The following MARK3 variants were observed in gnomAD, a reference collection of about 807,000 sequenced individuals.
The protein encoded by MARK3 is microtubule affinity regulating kinase 3, also known as MAP/microtubule affinity-regulating kinase 3.
A neutral mutation model predicts 90.1 loss-of-function variants in MARK3; 46 were observed. The ratio of observed to expected loss-of-function variants is 0.51; its 90% CI spans 0.40 to 0.65. The LOEUF is 0.65. Among genes scored for constraint, MARK3 ranks in the 30% least tolerant of loss-of-function variants. The pLI, the probability that MARK3 is intolerant of heterozygous loss-of-function variation, is 0.00. For missense variants in MARK3, 818 were observed against 947.2 expected, an observed-to-expected ratio of 0.86 and a Z score of 1.79; for synonymous variants, 321 against 332.6, an observed-to-expected ratio of 0.97 and a Z score of 0.38.
At position 103,467,192 on chromosome 14, in the gene MARK3, G is replaced by GA; in HGVS notation, c.1110+1_1110+2insA. 1 of 1,485,972 alleles carries GA rather than the reference G, an allele frequency of 6.7e-7. No homozygotes were observed. The highest frequency in any genetic ancestry group is 2.3e-5 in the East Asian group (1 of 44,020). The allele number at this position is 1,485,972 out of a possible 1,614,324, so 92.0% of individuals were successfully genotyped here. On this transcript the variant is annotated splice_donor_variant, in intron 11 of 17. Transcript: ENST00000429436. LOFTEE classifies it high-confidence loss of function. The stretch of plus-strand genomic sequence containing the variant: ...GTTATTGGGGAGAAAATCTTCAGAG[G>GA]TAAGAGTAATCAGAAAGAGCTGAAA...
At chr14:103,481,367 T>G (rs1038014115) in intron 14 of MARK3, among the ~76,000 whole-genome samples, 1 of 152,226 alleles carries the variant, frequency 6.6e-6, no homozygotes, top group African/African-American at 2.4e-5. Context: ...GACATTTACT[T>G]TCTGCAGTTA....
chr14:103,399,481 G>T (rs11844177), intron 1 of MARK3, among the ~76,000 whole-genome samples: 3 of 151,960 alleles, frequency 2.0e-5, no homozygotes, highest in African/African-American at 7.3e-5. Flanking sequence ...AGGCCAAGGC[G>T]GGTGGATCAC....
At chr14:103,437,748 C>T (rs1005577896) in intron 3 of MARK3, among the ~76,000 whole-genome samples, 1 of 152,168 alleles carries the variant, frequency 6.6e-6, no homozygotes, top group African/African-American at 2.4e-5. Context: ...AGAATTATAA[C>T]AGTAACATCA....
At chr14:103,450,859 C>G (rs930117283) in intron 4 of MARK3, among the ~76,000 whole-genome samples, 2 of 140,922 alleles carry the variant, frequency 1.4e-5, no homozygotes, top group Middle Eastern at 4.1e-3. Flanking sequence ...GGGATTTACT[C>G]CAGTTTCATT....
At chr14:103,455,583 C>G (rs1314410215) in intron 5 of MARK3, among the ~76,000 whole-genome samples, 1 of 151,960 alleles carries the variant, frequency 6.6e-6, no homozygotes. Flanking sequence ...CAAAAATTAG[C>G]CGGGTGTGGT....
chr14:103,452,717 C>T (rs1291035929), intron 5 of MARK3, among the ~76,000 whole-genome samples: 2 of 151,948 alleles, frequency 1.3e-5, no homozygotes, highest in South Asian at 2.1e-4. Flanking sequence ...GTGATCCGCC[C>T]GCCTCGGCCT....
At position 103,466,337 on chromosome 14, in the gene MARK3, T is replaced by C. The variant is rs1433827135; in HGVS notation, c.898-6T>C. The stretch of plus-strand genomic sequence containing the variant: ...ACTCTGCTAATGAACAGTTTACCTT[T>C]TTTAGCAAATCATGAAGGACAGGTG... On this transcript the variant is annotated splice_region_variant and splice_polypyrimidine_tract_variant and intron_variant, in intron 9 of 17. Transcript: ENST00000429436. 6 of 1,599,920 alleles carry C rather than the reference T, an allele frequency of 3.8e-6. No individual in the cohort carries two copies. The highest frequency in any genetic ancestry group is 4.3e-6 in the Non-Finnish European group (5 of 1,169,724).
intron 3 of MARK3, among the ~76,000 whole-genome samples, chr14:103,436,314 C>A (rs1003699890): frequency 6.6e-6 from 1 of 152,158 alleles, no homozygotes; most frequent in Non-Finnish European, 1.5e-5. Context: ...TGCCTTAGTA[C>A]CCAGTTCCTG....
At chr14:103,448,005 T>G (rs2093038867) in intron 3 of MARK3, among the ~76,000 whole-genome samples, 1 of 152,188 alleles carries the variant, frequency 6.6e-6, no homozygotes, top group Non-Finnish European at 1.5e-5. Flanking sequence ...CCTCCTGAGC[T>G]CAAGTGATCC....
At chr14:103,462,486 G>T in intron 7 of MARK3, 25 bp downstream of exon 7, 2 of 1,560,122 alleles carry the variant, frequency 1.3e-6, no homozygotes, top group South Asian at 1.1e-5. Flanking sequence ...CTCACTCAGT[G>T]TATGCTCTGT....
At chr14:103,395,165 T>A (rs1216415989) in intron 1 of MARK3, among the ~76,000 whole-genome samples, 2 of 152,160 alleles carry the variant, frequency 1.3e-5, no homozygotes, top group Non-Finnish European at 2.9e-5. Flanking sequence ...AGTCTAAGAC[T>A]GATCGAGATA....
intron 5 of MARK3, among the ~76,000 whole-genome samples, chr14:103,453,555 A>G (rs551855572): frequency 1.3e-5 from 2 of 152,194 alleles, no homozygotes; most frequent in African/African-American, 2.4e-5. Context: ...CCACTTTTTT[A>G]TACTCCTAAT....
chr14:103,488,682 C>T (rs555063850), intron 14 of MARK3, among the ~76,000 whole-genome samples: 3 of 152,124 alleles, frequency 2.0e-5, no homozygotes, highest in African/African-American at 2.4e-5. Flanking sequence ...TAGTGAGACA[C>T]CATCTCTACA....
chr14:103,431,487 T>A (rs1355894199), intron 3 of MARK3, among the ~76,000 whole-genome samples: 1 of 151,924 alleles, frequency 6.6e-6, no homozygotes, highest in African/African-American at 2.4e-5. Context: ...AAAAATTAGC[T>A]GGGCGTGGTG....
At chr14:103,446,710 C>CTTTTTTTTTTTTTTTTTTTTTTT (rs746523547) in intron 3 of MARK3, among the ~76,000 whole-genome samples, 2 of 98,052 alleles carry the variant, frequency 2.0e-5, no homozygotes, top group African/African-American at 5.3e-5. Context: ...AGATTGTTGT[C>CTTTTTTTTTTTTTTTTTTTTTTT]TTTTTTTTTT....
chr14:103,479,081 T>A (rs2093771372), intron 13 of MARK3, among the ~76,000 whole-genome samples: 1 of 152,172 alleles, frequency 6.6e-6, no homozygotes, highest in Admixed American at 6.6e-5. Flanking sequence ...AGTACAATGG[T>A]GCAAACACGG....
chr14:103,431,976 T>TCCGC (rs1555383133), intron 3 of MARK3, among the ~76,000 whole-genome samples: 1 of 147,620 alleles, frequency 6.8e-6, no homozygotes, highest in East Asian at 2.0e-4. Context: ...TGGAATTGTT[T>TCCGC]CCCCCCTCCC....
Position 103,466,454 on chromosome 14 carries a change from A to G in MARK3, c.997+12A>G. On this transcript the variant is annotated intron_variant, in intron 10 of 17. Transcript: ENST00000429436. ...CCAAAAAAGAATAGGTAATCACTCC[A>G]TGCCTGCATGTTCATGTGTTTTTGT... The G allele has an allele frequency of 6.5e-7, 1 of 1,535,308 alleles. No individual in the cohort carries two copies. The highest frequency in any genetic ancestry group is 9.0e-7 in the Non-Finnish European group (1 of 1,113,616).
At chr14:103,490,344 T>C (rs770569901) in intron 14 of MARK3, 4 of 152,170 alleles carry the variant, frequency 2.6e-5, no homozygotes, top group Admixed American at 6.5e-5. Flanking sequence ...GATACTGTTA[T>C]ATAACAGCTA....
Sources: allele counts gnomAD v4.1 joint callset (sites outside exome capture counted in the v4.1 genomes callset), GRCh38; gene constraint gnomAD v4.1.1; transcripts MANE v1.5; gene names NCBI Gene and HGNC (gene_info 2026-07-23, HGNC 2026-07-21).